DLG5: variants seen among roughly 807,000 people sequenced by gnomAD.
The protein encoded by DLG5 is disks large homolog 5.
DLG5 carries 48 observed loss-of-function variants against 189.8 expected under a neutral mutation model. The observed-to-expected ratio is 0.25, with a 90% CI of 0.20 to 0.32. The LOEUF is 0.32. Ranked by LOEUF, DLG5 falls within the 10% of genes least tolerant of loss-of-function variation. The pLI is 1.00. For missense variants in DLG5, 2,160 were observed against 2,544.7 expected (o/e 0.85, Z 3.25); for synonymous variants, 1,016 against 1,054.1 (o/e 0.96, Z 0.70).
chr10:77,854,582 G>C (rs765197276), intron 3 of DLG5, among the ~76,000 whole-genome samples: 1 of 152,182 alleles, frequency 6.6e-6, no homozygotes, highest in African/African-American at 2.4e-5. Context: ...GTGGTTGCCT[G>C]AGCTCCCTGC....
chr10:77,813,387 T>C (rs80274881), intron 20 of DLG5, among the ~76,000 whole-genome samples: 6,778 of 152,230 alleles, frequency 0.045, 233 homozygotes, highest in East Asian at 0.18. Flanking sequence ...TCTCAGCCTG[T>C]GGCCCTATGC....
chr10:77,848,060 C>A (rs1843781800), intron 5 of DLG5, among the ~76,000 whole-genome samples: 1 of 152,158 alleles, frequency 6.6e-6, no homozygotes, highest in Non-Finnish European at 1.5e-5. Context: ...TGATGTCCCT[C>A]CAGCCTGAGC....
chr10:77,927,862 T>G (rs1846743970), upstream of DLG5: 3 of 152,220 alleles, frequency 2.0e-5, no homozygotes, highest in Admixed American at 2.0e-4. Context: ...CTGACTGCGC[T>G]CAGTGATCCC....
At position 77,794,934 on chromosome 10, in the gene DLG5, C is replaced by A; in HGVS notation, c.5461G>T (p.Ala1821Ser). The A allele has an allele frequency of 6.2e-7, 1 of 1,613,922 alleles. No homozygotes were observed. Among genetic ancestry groups the A allele is most frequent in the Non-Finnish European group, 8.5e-7 (1 of 1,180,004 alleles). ...EKNRHCLLDI[A>S]PHAIERLHHM... ...TGGAGCCGCTCAATAGCGTGCGGAG[C>A]AATGTCCAGGAGGCAGTGTCGGTTC... Residue 1821 changes from alanine to serine, a missense_variant, in exon 30 of 32, where the codon GCT becomes TCT. Physicochemically the swap from Ala to Ser is moderately conservative, Grantham distance 99 (BLOSUM62 1). Transcript: ENST00000372391.
intron 2 of DLG5, among the ~76,000 whole-genome samples, chr10:77,866,136 T>G (rs944857937): frequency 6.6e-6 from 1 of 152,120 alleles, no homozygotes; most frequent in Non-Finnish European, 1.5e-5. Flanking sequence ...TCTCATCAGG[T>G]GTGGCTGAGC....
intron 7 of DLG5, among the ~76,000 whole-genome samples, chr10:77,840,015 G>A (rs1051049999): frequency 3.3e-5 from 5 of 152,178 alleles, no homozygotes; most frequent in Non-Finnish European, 7.3e-5. Context: ...GCTTTGTGCA[G>A]GCACAATGAT....
chr10:77,857,724 G>A (rs1246493575), intron 2 of DLG5, among the ~76,000 whole-genome samples: 1 of 152,226 alleles, frequency 6.6e-6, no homozygotes, highest in African/African-American at 2.4e-5. Flanking sequence ...CAGGAGAAGA[G>A]ACTAATCCAT....
intron 1 of DLG5, among the ~76,000 whole-genome samples, chr10:77,883,359 G>T (rs1388069238): frequency 3.9e-5 from 6 of 152,174 alleles, no homozygotes; most frequent in Non-Finnish European, 4.4e-5. Flanking sequence ...AGAGGCAGAG[G>T]ATTAAAGGAG....
Position 77,829,483 on chromosome 10 carries a change from T to C in DLG5, c.2057A>G (p.Lys686Arg), listed in dbSNP as rs1308818854. 1.2e-6 allele frequency: 2 copies of C among 1,614,002 alleles called. No homozygotes were observed. Among genetic ancestry groups the C allele is most frequent in the Non-Finnish European group, 1.7e-6 (2 of 1,179,956 alleles). Reference protein sequence around the residue: ...LRINDVDLINKDKKQAIKALL... With the variant: ...LRINDVDLINRDKKQAIKALL... ...CGCCTTGATGGCCTGCTTCTTGTCC[T>C]TGTTGATGAGGTCCACATCGTTGAT... The change falls in exon 12 of 32, where the codon AAG becomes AGG. Residue 686 changes from lysine to arginine, a missense_variant. This residue lies in a region of DLG5 where 107 missense variants were observed against 214.5 expected (regional missense o/e 0.50). Transcript: ENST00000372391.
intron 1 of DLG5, among the ~76,000 whole-genome samples, chr10:77,915,085 T>G (rs1846321430): frequency 6.6e-6 from 1 of 152,090 alleles, no homozygotes; most frequent in South Asian, 2.1e-4. Context: ...TCCCAGCACT[T>G]TGGGAGGCTA....
At chr10:77,846,233 G>A (rs997658931) in intron 5 of DLG5, among the ~76,000 whole-genome samples, 4 of 152,090 alleles carry the variant, frequency 2.6e-5, no homozygotes, top group South Asian at 2.1e-4. Flanking sequence ...TGACAAGCGC[G>A]AGACTTCGTC....
intron 7 of DLG5, among the ~76,000 whole-genome samples, chr10:77,839,651 T>G (rs1360216665): frequency 6.6e-6 from 1 of 152,246 alleles, no homozygotes; most frequent in African/African-American, 2.4e-5. Flanking sequence ...CATTTTGTTT[T>G]CCTTATTTGA....
Position 77,805,681 on chromosome 10 carries a change from G to A in DLG5, c.5148C>T (p.Ser1716=), listed in dbSNP as rs372879805. The change falls in exon 27 of 32, where the codon TCC becomes TCT. Residue 1716 remains serine (S), a synonymous_variant. Coordinates refer to ENST00000372391, the MANE Select transcript of DLG5 (RefSeq NM_004747.4). ...GCCACTTGCCTTCAAAGAGTGGAAT[G>A]GAGTCACTGGAAAAGGCATCCAAGG... is the stretch of plus-strand genomic sequence containing the variant. ...LLALDAFSSD[S]IPLFEDSVSL... is the part of the protein sequence containing the mutation. 4 of 1,612,382 alleles carry A rather than the reference G, an allele frequency of 2.5e-6. No homozygotes were observed. The highest frequency in any genetic ancestry group is 2.5e-6 in the Non-Finnish European group (3 of 1,178,676).
At chr10:77,841,299 C>T (rs989799583) in intron 7 of DLG5, among the ~76,000 whole-genome samples, 1 of 152,194 alleles carries the variant, frequency 6.6e-6, no homozygotes, top group Non-Finnish European at 1.5e-5. Flanking sequence ...CAATCTAGTG[C>T]TACCAAACAT....
At chr10:77,843,371 T>A (rs1332681913) in intron 6 of DLG5, 76 bp downstream of exon 6, 1 of 1,530,756 alleles carries the variant, frequency 6.5e-7, no homozygotes, top group African/African-American at 1.4e-5. Context: ...TAACTCATGC[T>A]GTTCTCATCC....
intron 14 of DLG5, among the ~76,000 whole-genome samples, chr10:77,822,986 T>C (rs1426199979): frequency 1.3e-5 from 2 of 152,134 alleles, no homozygotes; most frequent in Non-Finnish European, 2.9e-5. Context: ...ATTACAATGG[T>C]AGTACATGTC....
At chr10:77,920,945 G>C (rs1846517130) in intron 1 of DLG5, among the ~76,000 whole-genome samples, 1 of 152,094 alleles carries the variant, frequency 6.6e-6, no homozygotes, top group Non-Finnish European at 1.5e-5. Flanking sequence ...TGCAATAAAG[G>C]TACCCTGAAA....
rs959795593 is a variant in DLG5, at chr10:77,830,285, A to G, written c.1941T>C (p.Cys647=). 5.6e-6 allele frequency: 9 copies of G among 1,614,210 alleles called. No individual in the cohort carries two copies. Among genetic ancestry groups the G allele is most frequent in the Non-Finnish European group, 6.8e-6 (8 of 1,180,038 alleles). ...FDMAEGVNEP[C]FPGDCGIFVT... ...CAAATATGCCACAGTCCCCCGGGAA[A>G]CAAGGCTCATTCACACCTTCTGCCA... The change falls in exon 11 of 32, where the codon TGT becomes TGC. Residue 647 remains cysteine, a synonymous_variant. Transcript: ENST00000372391.
rs904615296 is a variant in DLG5 at position 77,819,947 on chromosome 10, C to A, written c.3474G>T (p.Gly1158=). The part of the protein sequence containing the change: ...ELQEWAPYSP[G]HSSRHSNPPL... Reference sequence around the variant, plus strand: ...GGGGGTTGCTGTGCCGGCTGGAATGCCCAGGCGAGTAAGGTGCCCACTCCT... The same window carrying A: ...GGGGGTTGCTGTGCCGGCTGGAATGACCAGGCGAGTAAGGTGCCCACTCCT... The change falls in exon 16 of 32, where the codon GGG becomes GGT. Residue 1158 remains glycine, a synonymous_variant. Coordinates refer to ENST00000372391, the MANE Select transcript of DLG5 (RefSeq NM_004747.4). 3.7e-6 allele frequency: 6 copies of A among 1,609,846 alleles called. No individual in the cohort carries two copies. Among genetic ancestry groups the A allele is most frequent in the Non-Finnish European group, 5.1e-6 (6 of 1,178,164 alleles).
Sources: allele counts gnomAD v4.1 joint callset (sites outside exome capture counted in the v4.1 genomes callset), GRCh38; gene constraint gnomAD v4.1.1; regional missense constraint gnomAD v4.1.1; transcripts MANE v1.5; gene names NCBI Gene and HGNC (gene_info 2026-07-23, HGNC 2026-07-21).